TMEM98: variants seen among roughly 807,000 people sequenced by gnomAD.
TMEM98 encodes the protein transmembrane protein 98.
TMEM98 carries 18 observed loss-of-function variants against 25.0 expected under a neutral mutation model. The observed-to-expected ratio is 0.72, with a 90% confidence interval of 0.50 to 1.07. The LOEUF (loss-of-function observed/expected upper bound fraction) is 1.07, where lower values mean the gene tolerates loss of function less well. TMEM98 is among the 50% of genes least tolerant of loss of function. TMEM98 has a pLI of 0.00. For synonymous variants in TMEM98, 103 were observed against 112.4 expected, an observed-to-expected ratio of 0.92 and a Z score of 0.53; for missense variants, 241 against 289.0, an observed-to-expected ratio of 0.83 and a Z score of 1.20.
intron 6 of TMEM98, among the ~76,000 whole-genome samples, chr17:32,938,580 G>A (rs2091510311): frequency 6.6e-6 from 1 of 152,190 alleles, no homozygotes; most frequent in South Asian, 2.1e-4. Flanking sequence ...TAACCACAGG[G>A]TAGAAGAAAT....
chr17:32,933,217 C>A lies in TMEM98; in HGVS notation c.175C>A (p.Pro59Thr). The A allele has an allele frequency of 1.2e-6, 2 of 1,614,184 alleles. No individual in the cohort carries two copies. The highest frequency in any genetic ancestry group is 2.2e-5 in the South Asian group (2 of 91,074). The change falls in exon 4 of 8, where the codon CCC (proline) becomes ACC (threonine). Residue 59 changes from proline (P) to threonine (T), a missense_variant. Coordinates refer to ENST00000579849, the MANE Select transcript of TMEM98 (RefSeq NM_015544.3). Reference sequence around the variant, plus strand: ...TGGTGCCATGGAGACCCAGTCTGAGCCCTCTGAGTTAGAACTGGACGATGT... The same window carrying A: ...TGGTGCCATGGAGACCCAGTCTGAGACCTCTGAGTTAGAACTGGACGATGT... ...LIGAMETQSE[P>T]SELELDDVVI...
chr17:32,929,806 G>A (rs1003977756), intron 1 of TMEM98, among the ~76,000 whole-genome samples: 1 of 152,112 alleles, frequency 6.6e-6, no homozygotes, highest in African/African-American at 2.4e-5. Context: ...CCCAGCTCTA[G>A]CCTCACCACT....
chr17:32,938,357 G>C (rs1042102718), intron 6 of TMEM98, among the ~76,000 whole-genome samples: 8 of 152,220 alleles, frequency 5.3e-5, no homozygotes, highest in African/African-American at 1.7e-4. Flanking sequence ...TGAGATAGGC[G>C]CGGAGGGTGA....
At chr17:32,933,390 A>G in intron 4 of TMEM98, 85 bp downstream of exon 4, 1 of 1,567,322 alleles carries the variant, frequency 6.4e-7, no homozygotes, top group Non-Finnish European at 8.7e-7. Context: ...CTTAGCTGGC[A>G]TTCAAGAACA....
At position 32,934,734 on chromosome 17, in the gene TMEM98, A is replaced by G. The variant is rs563186412; in HGVS notation, c.297+410A>G. On this transcript the variant is annotated intron_variant, in intron 5 of 7. Transcript: ENST00000579849. ...ATGGTGAGTTTCTTTCTGTATTTGGATTTCTACTGTGACTAGAAAGTCATC... is the reference window on the plus strand; with the variant it reads ...ATGGTGAGTTTCTTTCTGTATTTGGGTTTCTACTGTGACTAGAAAGTCATC... Among the ~76,000 whole-genome samples the G allele has an allele frequency of 6.6e-5, 10 of 152,246 alleles. No individual in the cohort carries two copies. The South Asian group carries it at 1.9e-3, about 28-fold the overall frequency.
Position 32,940,866 on chromosome 17 carries a change from G to A in TMEM98, c.554G>A (p.Trp185Ter). 2 of 1,614,216 alleles carry A rather than the reference G, an allele frequency of 1.2e-6. No individual in the cohort carries two copies. Among genetic ancestry groups the A allele is most frequent in the South Asian group, 2.2e-5 (2 of 91,084 alleles). Reference sequence around the variant, plus strand: ...TGCCATCTGACGGGAGGCCTGGACTGGATTGACCAGTCTCTGTCGGCTGCT... The same window carrying A: ...TGCCATCTGACGGGAGGCCTGGACTAGATTGACCAGTCTCTGTCGGCTGCT... ...NACHLTGGLD[W>*]IDQSLSAAEE... is the part of the protein sequence containing the mutation. Residue 185 changes from tryptophan (W) to a stop codon, truncating the protein, a stop_gained, in exon 8 of 8, where the codon TGG (tryptophan) becomes TAG (stop). Transcript: ENST00000579849. LOFTEE classifies it high-confidence loss of function.
At chr17:32,929,699 C>T (rs1320909318) in intron 1 of TMEM98, among the ~76,000 whole-genome samples, 2 of 152,084 alleles carry the variant, frequency 1.3e-5, no homozygotes, top group Admixed American at 6.6e-5. Flanking sequence ...GATGGGAGAG[C>T]AGCTCTGTGA....
At chr17:32,929,246 CAG>C (rs541932411) in intron 1 of TMEM98, among the ~76,000 whole-genome samples, 103 of 151,888 alleles carry the variant, frequency 6.8e-4, no homozygotes, top group Non-Finnish European at 1.2e-3. Context: ...CACACAGAAA[CAG>C]AAAAACAGCT....
chr17:32,929,072 ACT>A (rs761229810), intron 1 of TMEM98, among the ~76,000 whole-genome samples: 2 of 151,752 alleles, frequency 1.3e-5, no homozygotes, highest in Admixed American at 6.6e-5. Flanking sequence ...TCAGAAACAT[ACT>A]CTGAGAAACA....
chr17:32,935,422 G>A (rs2091491051), intron 5 of TMEM98, among the ~76,000 whole-genome samples: 1 of 152,158 alleles, frequency 6.6e-6, no homozygotes, highest in African/African-American at 2.4e-5. Context: ...TGGCACCTGT[G>A]GTGTGAGATG....
chr17:32,928,405 C>T (rs1269745278), intron 1 of TMEM98, among the ~76,000 whole-genome samples, 168 bp downstream of exon 1: 1 of 148,274 alleles, frequency 6.7e-6, no homozygotes, highest in Non-Finnish European at 1.5e-5. Context: ...AGCCGCGCCC[C>T]GGAGCGCTCC....
intron 6 of TMEM98, among the ~76,000 whole-genome samples, chr17:32,936,821 A>G (rs1456442011): frequency 2.0e-5 from 3 of 151,920 alleles, no homozygotes; most frequent in Non-Finnish European, 4.4e-5. Flanking sequence ...AGATGCCCAC[A>G]CCCCTGTCTC....
At chr17:32,930,613 G>A (rs560861588) in intron 1 of TMEM98, among the ~76,000 whole-genome samples, 1 of 152,298 alleles carries the variant, frequency 6.6e-6, no homozygotes, top group South Asian at 2.1e-4. Context: ...GAAAGGAAAA[G>A]TAGAGTGAAT....
At chr17:32,931,028 CCCCGTCTCTA>C (rs1428590494) in intron 1 of TMEM98, 1 of 153,250 alleles carries the variant, frequency 6.5e-6, no homozygotes, top group Non-Finnish European at 1.5e-5. Flanking sequence ...CATGGTGAAA[CCCCGTCTCTA>C]CTAAAAATAC....
chr17:32,935,158 C>G (rs2091489497), intron 5 of TMEM98, among the ~76,000 whole-genome samples: 1 of 152,104 alleles, frequency 6.6e-6, no homozygotes, highest in South Asian at 2.1e-4. Context: ...TTTACCCCAC[C>G]TCTTCTTTGG....
At position 32,941,821 on chromosome 17, in the gene TMEM98, G is replaced by A. The variant is rs1437578053; in HGVS notation, c.*828G>A. 6.6e-6 allele frequency: 1 copy of A among 152,286 alleles called. No individual in the cohort carries two copies. The highest frequency in any genetic ancestry group is 2.1e-4 in the South Asian group (1 of 4,834). The allele number at this position is 152,286 out of a possible 1,614,324, so 9.4% of individuals were successfully genotyped here. Reference sequence around the variant, plus strand: ...AATCCTCGCACTTTGGGAGGCTAAGGTGGGTGGATTGCTTGAGCCCAGGAG... The same window carrying A: ...AATCCTCGCACTTTGGGAGGCTAAGATGGGTGGATTGCTTGAGCCCAGGAG... On this transcript the variant is annotated 3_prime_UTR_variant, in exon 8 of 8. Transcript: ENST00000579849.
chr17:32,930,509 G>T (rs1161499083), intron 1 of TMEM98, among the ~76,000 whole-genome samples: 22 of 152,198 alleles, frequency 1.4e-4, no homozygotes, highest in Admixed American at 1.4e-3. Flanking sequence ...CTGGCAAGAG[G>T]CAATGGACAC....
intron 4 of TMEM98, among the ~76,000 whole-genome samples, 168 bp from the exon 5 acceptor site, chr17:32,934,123 C>T (rs2091483559): frequency 1.3e-5 from 2 of 152,128 alleles, no homozygotes; most frequent in Non-Finnish European, 2.9e-5. Context: ...GAGGTGCTCC[C>T]TCCTTTAACT....
rs934992149 is a variant in TMEM98 at position 32,941,573 on chromosome 17, CTTT to C, written c.*584_*586del. On this transcript the variant is annotated 3_prime_UTR_variant, in exon 8 of 8. Transcript: ENST00000579849. ...TGAGGAACTACAAAGTTGATGATTT[CTTT>C]TTTATCTTTATGCCTGCAATTTTAC... 20 of 152,194 alleles carry C rather than the reference CTTT, an allele frequency of 1.3e-4. No individual in the cohort carries two copies. The highest frequency in any genetic ancestry group is 4.8e-4 in the African/African-American group (20 of 41,422). 9.4% of individuals were successfully genotyped at this position (152,194 alleles called of 1,614,324 possible).
Sources: gnomAD v4.1 joint callset for allele counts (sites outside exome capture counted in the v4.1 genomes callset) on GRCh38, gnomAD v4.1.1 for gene constraint, MANE v1.5 for transcripts, NCBI Gene and HGNC (gene_info 2026-07-23, HGNC 2026-07-21) for gene names.